Variants in FHIT observed in about 807,000 individuals in gnomAD.
The protein encoded by FHIT is bis(5'-adenosyl)-triphosphatase.
FHIT carries 19 observed loss-of-function variants against 17.9 expected under a neutral mutation model. The observed-to-expected ratio is 1.06, with a 90% CI of 0.74 to 1.56. FHIT has a LOEUF of 1.56. Among genes scored for constraint, FHIT ranks in the 40% most tolerant of loss-of-function variants. The pLI is 0.00. For missense variants in FHIT, 248 were observed against 189.2 expected, an observed-to-expected ratio of 1.31 and a Z score of -1.82; for synonymous variants, 81 against 69.7, an observed-to-expected ratio of 1.16 and a Z score of -0.81.
chr3:60,333,441 T>A (rs939330013), intron 5 of FHIT, among the ~76,000 whole-genome samples: 1 of 151,416 alleles, frequency 6.6e-6, no homozygotes, highest in African/African-American at 2.4e-5. Context: ...GCTGAAACAG[T>A]TAAGATACTG....
At chr3:60,561,258 T>G (rs189517344) in intron 4 of FHIT, among the ~76,000 whole-genome samples, 2 of 152,052 alleles carry the variant, frequency 1.3e-5, no homozygotes, top group Non-Finnish European at 2.9e-5. Context: ...CAAACCCATT[T>G]TGGAAACAAA....
At chr3:60,634,585 C>G (rs1553683309) in intron 4 of FHIT, among the ~76,000 whole-genome samples, 1 of 152,090 alleles carries the variant, frequency 6.6e-6, no homozygotes, top group East Asian at 1.9e-4. Flanking sequence ...TTCTTCTTTT[C>G]TATCCTGGGG....
At chr3:59,839,671 G>A (rs1389969910) in intron 8 of FHIT, among the ~76,000 whole-genome samples, 1 of 151,970 alleles carries the variant, frequency 6.6e-6, no homozygotes, top group African/African-American at 2.4e-5. Context: ...CTCTCTTCTG[G>A]GAAGATCTAC....
At chr3:61,020,778 T>A (rs2032379797) in intron 3 of FHIT, among the ~76,000 whole-genome samples, 1 of 152,076 alleles carries the variant, frequency 6.6e-6, no homozygotes, top group African/African-American at 2.4e-5. Flanking sequence ...TGCGCTATAT[T>A]CAGGAGACCC....
rs545598537 is a variant in FHIT at position 59,916,064 on chromosome 3, T to C, written c.348+6282A>G. ...GTTACTGGGTGTGTCTATGAGGATA[T>C]TGCCAAAGGAGATTAACATTTGAGT... On this transcript the variant is annotated intron_variant, in intron 8 of 9. Coordinates refer to ENST00000492590, the MANE Select transcript of FHIT (RefSeq NM_002012.4). Among the ~76,000 whole-genome samples, 15 of 152,274 alleles carry C rather than the reference T, an allele frequency of 9.9e-5. No individual in the cohort carries two copies. The East Asian group carries it at 1.5e-3, about 16-fold the overall frequency.
At chr3:59,781,939 T>C (rs73840815) in intron 8 of FHIT, among the ~76,000 whole-genome samples, 6,460 of 152,296 alleles carry the variant, frequency 0.042, 203 homozygotes, top group South Asian at 0.08. Context: ...TTTGCTATCA[T>C]GACATATGCT....
intron 5 of FHIT, among the ~76,000 whole-genome samples, chr3:60,025,796 A>T: frequency 6.6e-6 from 1 of 152,120 alleles, no homozygotes; most frequent in East Asian, 1.9e-4. Context: ...AATGTTTCCA[A>T]AACAGGAAGC....
intron 3 of FHIT, among the ~76,000 whole-genome samples, chr3:60,919,226 A>T: frequency 6.6e-6 from 1 of 152,182 alleles, no homozygotes; most frequent in Non-Finnish European, 1.5e-5. Context: ...ATTCCTTGAA[A>T]ACACACGCGT....
At chr3:60,515,503 A>T (rs1227993857) in intron 5 of FHIT, among the ~76,000 whole-genome samples, 1 of 152,098 alleles carries the variant, frequency 6.6e-6, no homozygotes, top group African/African-American at 2.4e-5. Flanking sequence ...CACACAATTA[A>T]GATCAAGGCT....
At chr3:59,787,298 C>T (rs1263624741) in intron 8 of FHIT, among the ~76,000 whole-genome samples, 1 of 152,086 alleles carries the variant, frequency 6.6e-6, no homozygotes, top group Non-Finnish European at 1.5e-5. Context: ...TAAACTAAAG[C>T]CAGCATTTTT....
At chr3:60,704,276 C>G (rs782629148) in intron 4 of FHIT, among the ~76,000 whole-genome samples, 1 of 152,144 alleles carries the variant, frequency 6.6e-6, no homozygotes, top group Non-Finnish European at 1.5e-5. Flanking sequence ...CCCCTAAAGT[C>G]TTATCAAAAG....
At chr3:59,868,049 A>T (rs58001291) in intron 8 of FHIT, among the ~76,000 whole-genome samples, 224 of 101,934 alleles carry the variant, frequency 2.2e-3, no homozygotes, top group East Asian at 0.014. Flanking sequence ...TTTTTTTTTA[A>T]AAAAAAAAAA....
chr3:61,123,394 T>C (rs2036516493), intron 2 of FHIT, among the ~76,000 whole-genome samples: 1 of 152,026 alleles, frequency 6.6e-6, no homozygotes, highest in Non-Finnish European at 1.5e-5. Flanking sequence ...GAGAAATACC[T>C]AATGTAGATG....
At chr3:59,822,481 T>TC (rs1380768270) in intron 8 of FHIT, among the ~76,000 whole-genome samples, 1 of 152,200 alleles carries the variant, frequency 6.6e-6, no homozygotes, top group Non-Finnish European at 1.5e-5. Flanking sequence ...TTTTTTTTTA[T>TC]CATGGCCATT....
intron 7 of FHIT, among the ~76,000 whole-genome samples, chr3:59,958,756 G>A (rs1328082200): frequency 6.6e-6 from 1 of 152,128 alleles, no homozygotes; most frequent in Non-Finnish European, 1.5e-5. Context: ...CTCTTCCGGG[G>A]CCAACCTTCT....
At chr3:60,027,501 C>G (rs372390256) in intron 5 of FHIT, among the ~76,000 whole-genome samples, 3 of 152,196 alleles carry the variant, frequency 2.0e-5, no homozygotes, top group East Asian at 3.9e-4. Context: ...ACCATCATCA[C>G]TTAAAAGAAA....
intron 5 of FHIT, among the ~76,000 whole-genome samples, chr3:60,239,865 TAAG>T (rs781116158): frequency 1.1e-4 from 17 of 152,158 alleles, no homozygotes; most frequent in Non-Finnish European, 2.2e-4. Flanking sequence ...ATACAGCATC[TAAG>T]AAGTTGAGAC....
chr3:60,547,737 A>G (rs1388063171), intron 4 of FHIT, among the ~76,000 whole-genome samples: 3 of 152,172 alleles, frequency 2.0e-5, no homozygotes, highest in Non-Finnish European at 4.4e-5. Context: ...TAATAAACAT[A>G]AAAGAAACAA....
intron 2 of FHIT, among the ~76,000 whole-genome samples, chr3:61,128,149 GGAC>G (rs1345331839): frequency 6.6e-6 from 1 of 151,956 alleles, no homozygotes; most frequent in East Asian, 1.9e-4. Flanking sequence ...TTTAGTGCAA[GGAC>G]AACATAAACA....
Sources: allele counts gnomAD v4.1 joint callset (sites outside exome capture counted in the v4.1 genomes callset), GRCh38; gene constraint gnomAD v4.1.1; transcripts MANE v1.5; gene names NCBI Gene and HGNC (gene_info 2026-07-23, HGNC 2026-07-21).